The following PCDHGA1 variants were observed in gnomAD, a reference collection of about 807,000 sequenced individuals.
PCDHGA1 encodes the protein protocadherin gamma subfamily A, 1.
PCDHGA1 carries 32 observed loss-of-function variants against 58.0 expected under a neutral mutation model. The ratio of observed to expected loss-of-function variants is 0.55; its 90% CI spans 0.42 to 0.74. PCDHGA1 has a LOEUF of 0.74. PCDHGA1 is among the 30% of genes least tolerant of loss of function. The pLI is 0.00. For missense variants in PCDHGA1, 1,205 were observed against 1,182.3 expected (o/e 1.02, Z -0.28); for synonymous variants, 498 against 501.1 (o/e 0.99, Z 0.08).
chr5:141,422,092 G>A (rs2154549502), intron 1 of PCDHGA1: 6 of 1,611,520 alleles, frequency 3.7e-6, no homozygotes, highest in Non-Finnish European at 5.1e-6. Flanking sequence ...GGAAAGCAAG[G>A]CTTCTGAAAT....
rs773881480 is a variant in PCDHGA1, at chr5:141,332,174, A to G, written c.1490A>G (p.Gln497Arg). The G allele has an allele frequency of 3.7e-6, 6 of 1,614,182 alleles. No homozygotes were observed. In the Admixed American group the frequency reaches 5.0e-5, roughly 13 times the overall value. ...TACTCCCTAATAGAGGACACTATCC[A>G]GGGGGCACCCCTATCTGCCTACCTC... is the stretch of plus-strand genomic sequence containing the variant. ...ITYSLIEDTI[Q>R]GAPLSAYLSI... The change falls in exon 1 of 4, where the codon CAG becomes CGG. Residue 497 changes from glutamine (Q) to arginine (R), a missense_variant. Transcript: ENST00000517417. This position sits in a 1 kb window ranked among gnomAD's most constrained non-coding sequence, Gnocchi z 4.6.
At chr5:141,466,716 T>A (rs2099127818) in intron 1 of PCDHGA1, among the ~76,000 whole-genome samples, 1 of 152,210 alleles carries the variant, frequency 6.6e-6, no homozygotes, top group South Asian at 2.1e-4. Flanking sequence ...TGTTCTTGTT[T>A]CCATTTTAGC....
chr5:141,331,886 A>T lies in PCDHGA1; in HGVS notation c.1202A>T (p.Tyr401Phe). 1 of 1,614,168 alleles carries T rather than the reference A, an allele frequency of 6.2e-7. No homozygotes were observed. Among genetic ancestry groups the T allele is most frequent in the Non-Finnish European group, 8.5e-7 (1 of 1,180,036 alleles). Reference protein sequence around the residue: ...PFKLEKLVDNYYRLVTERTLD... With the variant: ...PFKLEKLVDNFYRLVTERTLD... ...AAATTGGAAAAGTTAGTTGATAATT[A>T]TTACCGTTTAGTGACTGAAAGAACA... The change falls in exon 1 of 4, where the codon TAT becomes TTT. Residue 401 changes from tyrosine to phenylalanine, a missense_variant. Coordinates refer to ENST00000517417, the MANE Select transcript of PCDHGA1 (RefSeq NM_018912.3).
At chr5:141,419,878 G>A in intron 1 of PCDHGA1, 2 of 1,614,060 alleles carry the variant, frequency 1.2e-6, no homozygotes, top group Non-Finnish European at 1.7e-6. Context: ...AGGTACTGCC[G>A]GATTTCAGCG....
intron 1 of PCDHGA1, chr5:141,384,066 C>T (rs754340033): frequency 1.6e-5 from 25 of 1,606,462 alleles, no homozygotes; most frequent in Non-Finnish European, 2.0e-5. Context: ...TTCCAGAAAA[C>T]CTACCTTTTA....
chr5:141,394,009 GTAA>G, intron 1 of PCDHGA1: 1 of 1,613,394 alleles, frequency 6.2e-7, no homozygotes, highest in Non-Finnish European at 8.5e-7. Flanking sequence ...AAGTCAATAG[GTAA>G]TTATTATAGA....
At chr5:141,394,552 G>C (rs368792885) in intron 1 of PCDHGA1, 1 of 1,614,070 alleles carries the variant, frequency 6.2e-7, no homozygotes, top group Non-Finnish European at 8.5e-7. Flanking sequence ...CTGGCGCCCC[G>C]CTCCGCAGAG....
chr5:141,341,315 C>A (rs1757044626), intron 1 of PCDHGA1: 3 of 1,614,126 alleles, frequency 1.9e-6, no homozygotes, highest in Non-Finnish European at 2.5e-6. Context: ...GCTCATCAGC[C>A]AGGAGAGCTG....
chr5:141,439,889 C>T (rs997306014), intron 1 of PCDHGA1: 1 of 152,348 alleles, frequency 6.6e-6, no homozygotes, highest in Admixed American at 6.5e-5. Context: ...CTGGGTAGAA[C>T]CAAGGCGACT....
chr5:141,409,751 C>T, intron 1 of PCDHGA1: 1 of 1,613,000 alleles, frequency 6.2e-7, no homozygotes, highest in Non-Finnish European at 8.5e-7. Flanking sequence ...GGTGTTCGCG[C>T]AGCGCGCCTT....
chr5:141,399,620 CCTCTT>C (rs1251716471), intron 1 of PCDHGA1: 1 of 1,613,940 alleles, frequency 6.2e-7, no homozygotes, highest in Non-Finnish European at 8.5e-7. Context: ...CTGGCACTGG[CCTCTT>C]ACGTGTCCAT....
intron 1 of PCDHGA1, chr5:141,414,389 A>G: frequency 1.9e-6 from 3 of 1,613,926 alleles, no homozygotes; most frequent in African/African-American, 2.7e-5. Context: ...ATTGACAGTT[A>G]TTACAGATTG....
chr5:141,335,275 G>T (rs569079925), intron 1 of PCDHGA1, among the ~76,000 whole-genome samples: 82 of 152,092 alleles, frequency 5.4e-4, no homozygotes, highest in African/African-American at 1.9e-3. Flanking sequence ...AAAACTGGTT[G>T]ATTTTTAAAA....
Position 141,511,156 on chromosome 5 carries a change from A to G in PCDHGA1, c.2779A>G (p.Lys927Glu), listed in dbSNP as rs2099883637. 6.2e-7 allele frequency: 1 copy of G among 1,614,080 alleles called. No individual in the cohort carries two copies. The highest frequency in any genetic ancestry group is 1.3e-5 in the African/African-American group (1 of 74,940). Residue 927 changes from lysine (K) to glutamate (E), a missense_variant, in exon 4 of 4, where the codon AAG (lysine) becomes GAG (glutamate). By Grantham distance (56) the Lys-to-Glu change is moderately conservative (BLOSUM62 1). Transcript: ENST00000517417. ...CAATGGCAACAAGAAGAAGTCGGGC[A>G]AGAAGGAGAAGAAGTAACATGGAGG... is the stretch of plus-strand genomic sequence containing the variant. ...GGNGNKKKSG[K>E]KEKK
intron 1 of PCDHGA1, chr5:141,340,873 C>G: frequency 6.2e-7 from 1 of 1,613,670 alleles, no homozygotes; most frequent in Non-Finnish European, 8.5e-7. Context: ...CCCTGCTGGA[C>G]AGAGACGCGC....
At position 141,357,290 on chromosome 5, in the gene PCDHGA1, T is replaced by C. The variant is rs773203887; in HGVS notation, c.2421+24185T>C. 3.7e-6 allele frequency: 6 copies of C among 1,613,952 alleles called. 1 individual carries two copies. In the South Asian group the frequency reaches 4.4e-5, roughly 12 times the overall value. On this transcript the variant is annotated intron_variant, in intron 1 of 3. Transcript: ENST00000517417. ...CTCACACTCTATCTCGTGGTGGCAGTGGCCGCTGTCTCCTGCGTCTTCCTG... is the reference window on the plus strand; with the variant it reads ...CTCACACTCTATCTCGTGGTGGCAGCGGCCGCTGTCTCCTGCGTCTTCCTG...
intron 1 of PCDHGA1, chr5:141,471,227 T>C (rs2099253010): frequency 6.6e-6 from 1 of 151,604 alleles, no homozygotes; most frequent in Admixed American, 6.6e-5. Flanking sequence ...TTTTTTGTAT[T>C]TTTAGTAGAG....
In PCDHGA1 at chr5:141,340,515, A is replaced by G. The variant is rs553678210; in HGVS notation, c.2421+7410A>G. ...ATCAACTCCGACACTGGAGTACTCT[A>G]TGCACTGCGCTCCTTTGATTATGAG... is the stretch of plus-strand genomic sequence containing the variant. On this transcript the variant is annotated intron_variant, in intron 1 of 3. Coordinates refer to ENST00000517417, the MANE Select transcript of PCDHGA1 (RefSeq NM_018912.3). 3.7e-6 allele frequency: 6 copies of G among 1,614,186 alleles called. No homozygotes were observed. In the South Asian group the frequency reaches 5.5e-5, roughly 15 times the overall value.
At position 141,371,633 on chromosome 5, in the gene PCDHGA1, G is replaced by A. The variant is rs771305412; in HGVS notation, c.2421+38528G>A. 7 of 1,614,040 alleles carry A rather than the reference G, an allele frequency of 4.3e-6. No homozygotes were observed. In the Admixed American group the frequency reaches 1.2e-4, roughly 27 times the overall value. ...TGACAGATGGAGCCCTGGACCGGGAGCAGATCCCAGAATACAATGTGACGA... is the reference window on the plus strand; with the variant it reads ...TGACAGATGGAGCCCTGGACCGGGAACAGATCCCAGAATACAATGTGACGA... On this transcript the variant is annotated intron_variant, in intron 1 of 3. Coordinates refer to ENST00000517417, the MANE Select transcript of PCDHGA1 (RefSeq NM_018912.3).
Sources: gnomAD v4.1 joint callset for allele counts (sites outside exome capture counted in the v4.1 genomes callset) on GRCh38, gnomAD v4.1.1 for gene constraint, Gnocchi (gnomAD v3.1) non-coding constraint, MANE v1.5 for transcripts, NCBI Gene and HGNC (gene_info 2026-07-23, HGNC 2026-07-21) for gene names.